Variants in PCDHGA11 observed in about 807,000 individuals in gnomAD.
PCDHGA11 encodes protocadherin gamma subfamily A, 11.
A neutral mutation model predicts 60.4 loss-of-function variants in PCDHGA11; 39 were observed. The ratio of observed to expected loss-of-function variants is 0.65; its 90% CI spans 0.50 to 0.84. The LOEUF (loss-of-function observed/expected upper bound fraction) is 0.84, where lower values mean the gene tolerates loss of function less well. Among genes scored for constraint, PCDHGA11 ranks in the 40% least tolerant of loss-of-function variants. PCDHGA11 has a pLI of 0.00. For missense variants in PCDHGA11, 1,165 were observed against 1,197.7 expected, an observed-to-expected ratio of 0.97 and a Z score of 0.40; for synonymous variants, 533 against 510.3, an observed-to-expected ratio of 1.04 and a Z score of -0.60.
At position 141,485,129 on chromosome 5, in the gene PCDHGA11, T is replaced by G. The variant is rs761201450; in HGVS notation, c.2434-9678T>G. 2.1e-6 allele frequency: 3 copies of G among 1,462,964 alleles called. No individual in the cohort carries two copies. Among genetic ancestry groups the G allele is most frequent in the Non-Finnish European group, 2.8e-6 (3 of 1,053,766 alleles). 90.6% of individuals were successfully genotyped at this position (1,462,964 alleles called of 1,614,324 possible). A position where few individuals can be genotyped will look rare whatever the true frequency, so the allele number is the denominator to read the frequency against. On this transcript the variant is annotated intron_variant, in intron 1 of 3. Coordinates refer to ENST00000398587, the MANE Select transcript of PCDHGA11 (RefSeq NM_018914.3). The surrounding 1 kb of genome is among the most constrained non-coding windows in gnomAD (Gnocchi z 5.7). ...TGTGGCTGTTTGGGGCGGGTCGGCT[T>G]CATCCGCGTCTCAGGAGCAAGTAGA...
chr5:141,478,642 T>A (rs777741719), intron 1 of PCDHGA11: 1 of 1,552,350 alleles, frequency 6.4e-7, no homozygotes, highest in South Asian at 1.2e-5. Context: ...GTGATGAAGA[T>A]GTTTTCCTGG....
chr5:141,456,103 T>C lies in PCDHGA11; in HGVS notation c.2433+32443T>C, dbSNP rs185224428. Among the ~76,000 whole-genome samples the C allele has an allele frequency of 2.6e-3, 390 of 152,142 alleles. 3 individuals are homozygous for C. The highest frequency in any genetic ancestry group is 6.7e-3 in the Admixed American group (103 of 15,290). On this transcript the variant is annotated intron_variant, in intron 1 of 3. Coordinates refer to ENST00000398587, the MANE Select transcript of PCDHGA11 (RefSeq NM_018914.3). The stretch of plus-strand genomic sequence containing the variant: ...CAGTAGAGACGGGATTTCACCGTGT[T>C]AGCCAGGATGGTCTCCATCTCCTGA...
chr5:141,430,309 A>G (rs984998714), intron 1 of PCDHGA11, among the ~76,000 whole-genome samples: 2 of 152,116 alleles, frequency 1.3e-5, no homozygotes, highest in Non-Finnish European at 2.9e-5. Context: ...CACTAACATT[A>G]TAAGATTAAA....
rs530261329 is a variant in PCDHGA11, at chr5:141,440,076, A to G, written c.2433+16416A>G. 2.4e-4 allele frequency: 37 copies of G among 152,560 alleles called. No individual in the cohort carries two copies. In the South Asian group the frequency reaches 3.7e-3, roughly 15 times the overall value. The allele number at this position is 152,560 out of a possible 1,614,324, so 9.5% of individuals were successfully genotyped here. On this transcript the variant is annotated intron_variant, in intron 1 of 3. Coordinates refer to ENST00000398587, the MANE Select transcript of PCDHGA11 (RefSeq NM_018914.3). Reference sequence around the variant, plus strand: ...CTTCGGGTTAATGCTGAGGAATAATACTTCATTCTAAGTGGGGAAAGTGGA... The same window carrying G: ...CTTCGGGTTAATGCTGAGGAATAATGCTTCATTCTAAGTGGGGAAAGTGGA...
Position 141,422,414 on chromosome 5 carries a change from A to G in PCDHGA11, c.1187A>G (p.Glu396Gly), listed in dbSNP as rs2096646645. ...FIPNHLPFKLEKTYGNYYKLI... is the reference protein window; with the variant it reads ...FIPNHLPFKLGKTYGNYYKLI... Reference sequence around the variant, plus strand: ...CCTAACCACCTGCCTTTTAAATTAGAAAAGACTTATGGAAATTATTACAAA... The same window carrying G: ...CCTAACCACCTGCCTTTTAAATTAGGAAAGACTTATGGAAATTATTACAAA... The change falls in exon 1 of 4, where the codon GAA becomes GGA. Residue 396 changes from glutamate (E) to glycine (G), a missense_variant. Coordinates refer to ENST00000398587, the MANE Select transcript of PCDHGA11 (RefSeq NM_018914.3). 6.2e-7 allele frequency: 1 copy of G among 1,604,894 alleles called. No homozygotes were observed. Among genetic ancestry groups the G allele is most frequent in the Admixed American group, 1.7e-5 (1 of 57,884 alleles).
In PCDHGA11 at chr5:141,432,596, G is replaced by T; in HGVS notation, c.2433+8936G>T. On this transcript the variant is annotated intron_variant, in intron 1 of 3. Transcript: ENST00000398587. This position sits in a 1 kb window ranked among gnomAD's most constrained non-coding sequence, Gnocchi z 6.0. The stretch of plus-strand genomic sequence containing the variant: ...GTCCTACCGTCTGCTCAAGGCCAGC[G>T]AGCCGGGACTCTTCTCGGTGGGTCT... 6.8e-6 allele frequency: 11 copies of T among 1,613,926 alleles called. No individual in the cohort carries two copies. The highest frequency in any genetic ancestry group is 9.3e-6 in the Non-Finnish European group (11 of 1,179,972).
At chr5:141,428,532 C>T (rs1561836699) in intron 1 of PCDHGA11, 7 of 277,518 alleles carry the variant, frequency 2.5e-5, no homozygotes, top group Non-Finnish European at 5.0e-5. Context: ...TTAATTTTCT[C>T]ACCATGACAC....
In PCDHGA11 at chr5:141,505,363, T is replaced by C. The variant is rs751635403; in HGVS notation, c.2493-30T>C. 1.6e-5 allele frequency: 26 copies of C among 1,613,242 alleles called. No individual in the cohort carries two copies. In the Middle Eastern group the frequency reaches 9.9e-4, roughly 61 times the overall value. On this transcript the variant is annotated intron_variant, in intron 2 of 3. Transcript: ENST00000398587. ...GGCATGAGCTGTGCCGGCCTGGGAG[T>C]CTGTGCTCACCATCCTACTCTCTCC... is the stretch of plus-strand genomic sequence containing the variant.
Position 141,487,845 on chromosome 5 carries a change from A to C in PCDHGA11, c.2434-6962A>C, listed in dbSNP as rs2099667978. ...GGGTCATGCCTATATCTGAGTAAGA[A>C]ATGAAAGTAATTGGTGATCAAGAGC... On this transcript the variant is annotated intron_variant, in intron 1 of 3. Coordinates refer to ENST00000398587, the MANE Select transcript of PCDHGA11 (RefSeq NM_018914.3). The surrounding 1 kb of genome is among the most constrained non-coding windows in gnomAD (Gnocchi z 5.0). 2.9e-6 allele frequency: 3 copies of C among 1,027,382 alleles called. No homozygotes were observed. Among genetic ancestry groups the C allele is most frequent in the Non-Finnish European group, 4.2e-6 (3 of 716,452 alleles). The allele number at this position is 1,027,382 out of a possible 1,614,324, so 63.6% of individuals were successfully genotyped here.
At chr5:141,436,467 A>G (rs2097825090) in intron 1 of PCDHGA11, among the ~76,000 whole-genome samples, 1 of 152,216 alleles carries the variant, frequency 6.6e-6, no homozygotes, top group South Asian at 2.1e-4. Flanking sequence ...GAATTTTCAG[A>G]TGTATCATAG....
chr5:141,505,348 G>C, intron 2 of PCDHGA11, 45 bp from the exon 3 acceptor site: 1 of 1,613,358 alleles, frequency 6.2e-7, no homozygotes, highest in Non-Finnish European at 8.5e-7. Flanking sequence ...GGCATGAGCT[G>C]TGCCGGCCTG....
intron 2 of PCDHGA11, among the ~76,000 whole-genome samples, chr5:141,496,207 T>C (rs973745475): frequency 6.6e-6 from 1 of 152,134 alleles, no homozygotes; most frequent in Non-Finnish European, 1.5e-5. Flanking sequence ...CAATCTGGTA[T>C]GAATTCCTGC....
chr5:141,433,651 C>T (rs905489069), intron 1 of PCDHGA11, among the ~76,000 whole-genome samples: 3 of 152,064 alleles, frequency 2.0e-5, no homozygotes, highest in Non-Finnish European at 2.9e-5. Context: ...GCCTGACCAA[C>T]ATGGAGAAAC....
chr5:141,471,925 G>A (rs1371923375), intron 1 of PCDHGA11, among the ~76,000 whole-genome samples: 1 of 152,076 alleles, frequency 6.6e-6, no homozygotes, highest in Non-Finnish European at 1.5e-5. Flanking sequence ...AAATTTTGGG[G>A]GTGATGAGAG....
At chr5:141,468,701 C>A (rs1186497330) in intron 1 of PCDHGA11, 2 of 151,628 alleles carry the variant, frequency 1.3e-5, no homozygotes, top group African/African-American at 2.4e-5. Flanking sequence ...CCCGTCTCTA[C>A]TAAAAATATA....
chr5:141,473,887 C>T (rs887871337), intron 1 of PCDHGA11, among the ~76,000 whole-genome samples: 3 of 152,144 alleles, frequency 2.0e-5, no homozygotes, highest in Non-Finnish European at 2.9e-5. Context: ...CACAAGGGTT[C>T]TGTTGGTTCA....
intron 1 of PCDHGA11, chr5:141,427,032 A>G (rs1227315080): frequency 2.2e-6 from 1 of 457,206 alleles, no homozygotes; most frequent in East Asian, 6.9e-5. Flanking sequence ...AGTCAGCCTT[A>G]GAGAGAATGT....
At chr5:141,481,327 T>C (rs2099535776) in intron 1 of PCDHGA11, among the ~76,000 whole-genome samples, 1 of 152,244 alleles carries the variant, frequency 6.6e-6, no homozygotes, top group Non-Finnish European at 1.5e-5. Context: ...CACTAGCCCC[T>C]GGACAACTAT....
In PCDHGA11 at chr5:141,485,179, C is replaced by G. The variant is rs1405000217; in HGVS notation, c.2434-9628C>G. The G allele has an allele frequency of 1.2e-6, 2 of 1,612,648 alleles. No homozygotes were observed. Among genetic ancestry groups the G allele is most frequent in the African/African-American group, 2.7e-5 (2 of 74,924 alleles). ...AGAATTAGCGGGCGGCAGCAATGCT[C>G]CGCAAGGTGAGAAGCTGGACAGAAA... is the stretch of plus-strand genomic sequence containing the variant. On this transcript the variant is annotated intron_variant, in intron 1 of 3. Transcript: ENST00000398587. This position sits in a 1 kb window ranked among gnomAD's most constrained non-coding sequence, Gnocchi z 5.7.
Sources: allele counts gnomAD v4.1 joint callset (sites outside exome capture counted in the v4.1 genomes callset), GRCh38; gene constraint gnomAD v4.1.1; non-coding constraint Gnocchi (gnomAD v3.1); transcripts MANE v1.5; gene names NCBI Gene and HGNC (gene_info 2026-07-23, HGNC 2026-07-21).